Variants in IGF2BP2 observed in about 807,000 individuals in gnomAD.
IGF2BP2 encodes the protein insulin-like growth factor 2 mRNA-binding protein 2.
Under a neutral mutation model 75.8 loss-of-function variants are expected in IGF2BP2, and 17 were observed. The observed-to-expected ratio is 0.22, with a 90% CI of 0.15 to 0.34. The LOEUF is 0.34. Ranked by LOEUF, IGF2BP2 falls within the 10% of genes least tolerant of loss-of-function variation. IGF2BP2 has a pLI of 1.00. For missense variants in IGF2BP2, 516 were observed against 772.4 expected (o/e 0.67, Z 3.93); for synonymous variants, 288 against 295.6 (o/e 0.97, Z 0.26).
chr3:185,724,957 C>A (rs1177448868), intron 2 of IGF2BP2: 1 of 152,194 alleles, frequency 6.6e-6, no homozygotes, highest in Non-Finnish European at 1.5e-5. Context: ...CTCTTGGAAG[C>A]CAGCCACCAT....
chr3:185,677,068 T>TATATATATATATATATATATATATATAG, intron 7 of IGF2BP2, among the ~76,000 whole-genome samples: 1 of 35,874 alleles, frequency 2.8e-5, no homozygotes, highest in Non-Finnish European at 4.6e-5. Context: ...TATATATATA[T>TATATATATATATATATATATATATATAG]AGAGAGAGAG....
At chr3:185,657,117 GA>G (rs1458724520) in intron 12 of IGF2BP2, among the ~76,000 whole-genome samples, 168 bp downstream of exon 12, 1 of 152,178 alleles carries the variant, frequency 6.6e-6, no homozygotes, top group East Asian at 1.9e-4. Flanking sequence ...AAAGGAATAA[GA>G]AAAGGAAAGA....
chr3:185,762,213 C>A, intron 2 of IGF2BP2, among the ~76,000 whole-genome samples: 1 of 151,640 alleles, frequency 6.6e-6, no homozygotes, highest in East Asian at 1.9e-4. Flanking sequence ...CATGGTGAAA[C>A]CCTGTCTCTA....
At chr3:185,765,424 G>A (rs1012087430) in intron 2 of IGF2BP2, among the ~76,000 whole-genome samples, 10 of 152,212 alleles carry the variant, frequency 6.6e-5, no homozygotes, top group South Asian at 2.1e-4. Flanking sequence ...TAGCAGGTGC[G>A]CCTAGAAAGG....
At chr3:185,704,111 C>T (rs1230059331) in intron 2 of IGF2BP2, among the ~76,000 whole-genome samples, 1 of 152,104 alleles carries the variant, frequency 6.6e-6, no homozygotes, top group Non-Finnish European at 1.5e-5. Flanking sequence ...CAAATACGTC[C>T]CATCTGTTTC....
Position 185,658,380 on chromosome 3 carries a change from G to A in IGF2BP2, c.1230C>T (p.Tyr410=). The A allele has an allele frequency of 6.2e-7, 1 of 1,614,020 alleles. No homozygotes were observed. Among genetic ancestry groups the A allele is most frequent in the South Asian group, 1.1e-5 (1 of 91,058 alleles). ...GGAACGGGCCAAACTGGTGATGGGGGTACAGGCTGGAGAAGTATCCGGAGT... is the reference window on the plus strand; with the variant it reads ...GGAACGGGCCAAACTGGTGATGGGGATACAGGCTGGAGAAGTATCCGGAGT... ...TTHSGYFSSL[Y]PHHQFGPFPH... is the part of the protein sequence containing the mutation. Residue 410 remains tyrosine, a synonymous_variant, in exon 11 of 16, where the codon TAC becomes TAT. Coordinates refer to ENST00000382199, the MANE Select transcript of IGF2BP2 (RefSeq NM_006548.6).
At chr3:185,798,149 T>G (rs1174722226) in intron 2 of IGF2BP2, among the ~76,000 whole-genome samples, 1 of 152,000 alleles carries the variant, frequency 6.6e-6, no homozygotes, top group Non-Finnish European at 1.5e-5. Flanking sequence ...TGCAGTGAGC[T>G]GAGATTGCGC....
rs973872522 is a variant in IGF2BP2, at chr3:185,645,764, G to A, written c.1708-141C>T. 6.6e-5 allele frequency: 42 copies of A among 640,376 alleles called. No individual in the cohort carries two copies. In the Admixed American group the frequency reaches 8.5e-4, roughly 13 times the overall value. 39.7% of individuals were successfully genotyped at this position (640,376 alleles called of 1,614,324 possible). A position where few individuals can be genotyped will look rare whatever the true frequency, so the allele number is the denominator to read the frequency against. On this transcript the variant is annotated intron_variant, in intron 15 of 15. Transcript: ENST00000382199. The surrounding 1 kb of genome is among the most constrained non-coding windows in gnomAD (Gnocchi z 4.9). ...AAGCATCATCTACCCACCCCCGCAC[G>A]TTACTCCAGGCCCTTTTCTGCCTGG...
chr3:185,767,630 G>C (rs977983706), intron 2 of IGF2BP2, among the ~76,000 whole-genome samples: 5 of 151,546 alleles, frequency 3.3e-5, no homozygotes, highest in African/African-American at 1.2e-4. Context: ...ATATATTTGG[G>C]GAAATATTGA....
intron 12 of IGF2BP2, 53 bp downstream of exon 12, chr3:185,657,233 T>C (rs1715591387): frequency 1.6e-6 from 2 of 1,231,384 alleles, no homozygotes; most frequent in South Asian, 1.2e-5. Flanking sequence ...ACAAGGGCCG[T>C]GGGATGAGAG....
At chr3:185,715,098 CA>C (rs994890546) in intron 2 of IGF2BP2, among the ~76,000 whole-genome samples, 1 of 152,124 alleles carries the variant, frequency 6.6e-6, no homozygotes, top group African/African-American at 2.4e-5. Context: ...GGCAAGGAAC[CA>C]GGGGGAGGCA....
chr3:185,754,476 T>G (rs911478290), intron 2 of IGF2BP2, among the ~76,000 whole-genome samples: 9 of 152,144 alleles, frequency 5.9e-5, no homozygotes, highest in Non-Finnish European at 5.9e-5. Context: ...AAATTAGTAC[T>G]GAAGAGTGGG....
chr3:185,698,189 A>G (rs1722828243), intron 3 of IGF2BP2, 110 bp downstream of exon 3: 1 of 881,844 alleles, frequency 1.1e-6, no homozygotes, highest in Non-Finnish European at 1.8e-6. Context: ...AAGAGGCAGG[A>G]CCCAGAAGCT....
intron 5 of IGF2BP2, 59 bp downstream of exon 5, chr3:185,692,640 A>G (rs1722094873): frequency 5.8e-6 from 8 of 1,391,172 alleles, no homozygotes; most frequent in Non-Finnish European, 8.1e-6. Flanking sequence ...ACAGAACTCA[A>G]TGGAATTCAA....
intron 2 of IGF2BP2, chr3:185,713,546 ACAT>A: frequency 2.0e-6 from 1 of 507,414 alleles, no homozygotes. Flanking sequence ...TGCTGGTGAG[ACAT>A]CAGAATGAAA....
At chr3:185,700,478 G>C (rs899435488) in intron 2 of IGF2BP2, among the ~76,000 whole-genome samples, 20 of 152,128 alleles carry the variant, frequency 1.3e-4, no homozygotes, top group African/African-American at 4.8e-4. Flanking sequence ...TCTATGCTGT[G>C]AAGGCTAATT....
intron 2 of IGF2BP2, among the ~76,000 whole-genome samples, chr3:185,750,134 G>A (rs760173813): frequency 6.6e-6 from 1 of 152,106 alleles, no homozygotes. Flanking sequence ...TTTCTAACAA[G>A]GTCCCCATTG....
chr3:185,662,244 G>A (rs751613144), intron 10 of IGF2BP2, among the ~76,000 whole-genome samples: 12 of 152,002 alleles, frequency 7.9e-5, no homozygotes, highest in African/African-American at 2.7e-4. Flanking sequence ...TTGGGAGGCC[G>A]AGGTAGGCAG....
intron 2 of IGF2BP2, among the ~76,000 whole-genome samples, chr3:185,711,488 A>G (rs1384956893): frequency 2.0e-5 from 3 of 152,204 alleles, no homozygotes; most frequent in Non-Finnish European, 4.4e-5. Context: ...GACAATGAAC[A>G]GCATCTGTCT....
Sources: gnomAD v4.1 joint callset for allele counts (sites outside exome capture counted in the v4.1 genomes callset) on GRCh38, gnomAD v4.1.1 for gene constraint, Gnocchi (gnomAD v3.1) non-coding constraint, MANE v1.5 for transcripts, NCBI Gene and HGNC (gene_info 2026-07-23, HGNC 2026-07-21) for gene names.